The following RERG variants were observed in gnomAD, a reference collection of about 807,000 sequenced individuals.
RERG encodes the protein RAS like estrogen regulated growth inhibitor.
Under a neutral mutation model 23.2 loss-of-function variants are expected in RERG, and 25 were observed. The ratio of observed to expected loss-of-function variants is 1.08; its 90% CI spans 0.79 to 1.50. The LOEUF is 1.50. Ranked by LOEUF, RERG falls within the 40% of genes most tolerant of loss-of-function variation. The pLI, the probability that RERG is intolerant of heterozygous loss-of-function variation, is 0.00. For missense variants in RERG, 253 were observed against 250.1 expected (o/e 1.01, Z -0.08); for synonymous variants, 81 against 89.1 (o/e 0.91, Z 0.51).
chr12:15,196,566 C>T (rs1865147590), intron 2 of RERG, among the ~76,000 whole-genome samples: 1 of 152,106 alleles, frequency 6.6e-6, no homozygotes, highest in Non-Finnish European at 1.5e-5. Context: ...GTAGACCTTG[C>T]ACCAAAAATA....
At chr12:15,138,954 C>A (rs1440998488) in intron 2 of RERG, among the ~76,000 whole-genome samples, 1 of 139,592 alleles carries the variant, frequency 7.2e-6, no homozygotes, top group African/African-American at 2.6e-5. Flanking sequence ...TTGCATTTTA[C>A]ATTTAGGTAT....
intron 2 of RERG, among the ~76,000 whole-genome samples, chr12:15,213,137 T>G (rs1026657394): frequency 2.0e-5 from 3 of 152,238 alleles, no homozygotes; most frequent in Non-Finnish European, 4.4e-5. Context: ...TCAAGCAATA[T>G]AGTTAGCTGT....
intron 2 of RERG, among the ~76,000 whole-genome samples, chr12:15,148,063 A>G (rs1285384533): frequency 6.6e-6 from 1 of 152,232 alleles, no homozygotes; most frequent in Non-Finnish European, 1.5e-5. Flanking sequence ...ATGTAAGGTC[A>G]TATTCTGCAA....
In RERG at chr12:15,212,245, G is replaced by A. The variant is rs562792604; in HGVS notation, c.61+5184C>T. ...CGGCTAATTTTTTGTATTTTTAGTA[G>A]AGACGGGGTTTCACCTTGTTAGCCA... On this transcript the variant is annotated intron_variant, in intron 2 of 4. Transcript: ENST00000256953. 4.6e-3 allele frequency among the ~76,000 whole-genome samples: 687 copies of A among 148,618 alleles called. 5 individuals are homozygous for A. The highest frequency in any genetic ancestry group is 0.016 in the African/African-American group (655 of 40,508).
At chr12:15,168,204 A>T (rs1864724030) in intron 2 of RERG, among the ~76,000 whole-genome samples, 1 of 152,198 alleles carries the variant, frequency 6.6e-6, no homozygotes, top group Non-Finnish European at 1.5e-5. Flanking sequence ...AATGATTTGG[A>T]TGTGGTCCCC....
chr12:15,185,299 G>T (rs1175563355), intron 2 of RERG, among the ~76,000 whole-genome samples: 1 of 152,004 alleles, frequency 6.6e-6, no homozygotes, highest in Admixed American at 6.6e-5. Flanking sequence ...TCTTAACCGT[G>T]GCCTAGACAT....
intron 2 of RERG, among the ~76,000 whole-genome samples, chr12:15,194,544 A>G (rs1012741386): frequency 6.6e-6 from 1 of 151,348 alleles, no homozygotes; most frequent in Non-Finnish European, 1.5e-5. Flanking sequence ...TGAAATCTCT[A>G]TTATGAATGC....
chr12:15,195,755 A>G (rs1021666756), intron 2 of RERG, among the ~76,000 whole-genome samples: 6 of 152,278 alleles, frequency 3.9e-5, no homozygotes, highest in Middle Eastern at 3.4e-3. Context: ...TAGAAGTTGC[A>G]TCACTAATAA....
At chr12:15,141,080 G>A (rs1268680189) in intron 2 of RERG, among the ~76,000 whole-genome samples, 1 of 151,182 alleles carries the variant, frequency 6.6e-6, no homozygotes, top group Non-Finnish European at 1.5e-5. Flanking sequence ...CCAGTGTGGA[G>A]AGTGTTCATT....
rs559007411 is a variant in RERG, at chr12:15,121,990, C to G, written c.62-871G>C. ...TGATAAGACATATGCCAAACATTTTCTTACACTTGTAGTATAGTTGAAAAC... is the reference window on the plus strand; with the variant it reads ...TGATAAGACATATGCCAAACATTTTGTTACACTTGTAGTATAGTTGAAAAC... On this transcript the variant is annotated intron_variant, in intron 2 of 4. Coordinates refer to ENST00000256953, the MANE Select transcript of RERG (RefSeq NM_032918.3). Among the ~76,000 whole-genome samples, 66 of 151,838 alleles carry G rather than the reference C, an allele frequency of 4.3e-4. 1 individual carries two copies. The highest frequency in any genetic ancestry group is 1.5e-3 in the African/African-American group (63 of 41,412).
chr12:15,174,788 A>G (rs1864824943), intron 2 of RERG, among the ~76,000 whole-genome samples: 1 of 151,858 alleles, frequency 6.6e-6, no homozygotes, highest in Non-Finnish European at 1.5e-5. Flanking sequence ...ACTTTTCAAT[A>G]CCAGAATTTC....
intron 2 of RERG, among the ~76,000 whole-genome samples, chr12:15,152,763 T>C (rs1864463941): frequency 6.6e-6 from 1 of 152,196 alleles, no homozygotes; most frequent in Non-Finnish European, 1.5e-5. Flanking sequence ...TAGAACTTTT[T>C]TGGATTGGAA....
intron 2 of RERG, among the ~76,000 whole-genome samples, chr12:15,143,389 A>G (rs1480802153): frequency 2.6e-5 from 4 of 151,964 alleles, no homozygotes; most frequent in African/African-American, 9.7e-5. Context: ...ATGTGTGTTT[A>G]TATAATGTAT....
chr12:15,185,098 G>A (rs1324962073), intron 2 of RERG, among the ~76,000 whole-genome samples: 1 of 151,984 alleles, frequency 6.6e-6, no homozygotes. Flanking sequence ...TTTTTCTGAT[G>A]GCTATGTTTA....
intron 2 of RERG, among the ~76,000 whole-genome samples, chr12:15,123,436 A>G (rs1230055035): frequency 6.7e-6 from 1 of 150,232 alleles, no homozygotes; most frequent in Non-Finnish European, 1.5e-5. Flanking sequence ...TTGAGCATAT[A>G]TATGTGTATG....
intron 2 of RERG, among the ~76,000 whole-genome samples, chr12:15,149,115 C>T (rs889253371): frequency 4.7e-4 from 72 of 151,684 alleles, no homozygotes; most frequent in African/African-American, 1.7e-3. Flanking sequence ...GTAATCCGCC[C>T]GCCTCGGTTT....
At chr12:15,140,799 C>A (rs1864225697) in intron 2 of RERG, among the ~76,000 whole-genome samples, 1 of 151,998 alleles carries the variant, frequency 6.6e-6, no homozygotes, top group Non-Finnish European at 1.5e-5. Flanking sequence ...TAAGAAAGAT[C>A]TTCCCCCCAT....
At chr12:15,188,899 G>A (rs1474214182) in intron 2 of RERG, among the ~76,000 whole-genome samples, 6 of 152,150 alleles carry the variant, frequency 3.9e-5, no homozygotes, top group Admixed American at 2.0e-4. Context: ...CGCACTCTCA[G>A]AGTATGATGA....
intron 2 of RERG, among the ~76,000 whole-genome samples, chr12:15,166,744 T>G (rs1228068332): frequency 6.6e-6 from 1 of 152,200 alleles, no homozygotes; most frequent in Non-Finnish European, 1.5e-5. Context: ...TGTCAACCAC[T>G]ATACTGCCTG....
Sources: gnomAD v4.1 joint callset for allele counts (sites outside exome capture counted in the v4.1 genomes callset) on GRCh38, gnomAD v4.1.1 for gene constraint, MANE v1.5 for transcripts, NCBI Gene and HGNC (gene_info 2026-07-23, HGNC 2026-07-21) for gene names.